Variants in C1orf21 observed in about 807,000 individuals in gnomAD.
The protein encoded by C1orf21 is uncharacterized protein C1orf21.
A neutral mutation model predicts 18.7 loss-of-function variants in C1orf21; 3 were observed. That is an observed-to-expected ratio of 0.16 (90% CI 0.07 to 0.42). The LOEUF (loss-of-function observed/expected upper bound fraction) is 0.42, where lower values mean the gene tolerates loss of function less well. C1orf21 is among the 10% of genes least tolerant of loss of function. C1orf21 has a pLI of 0.99. For missense variants in C1orf21, 104 were observed against 143.6 expected, an observed-to-expected ratio of 0.72 and a Z score of 1.41; for synonymous variants, 41 against 46.4, an observed-to-expected ratio of 0.88 and a Z score of 0.47.
At chr1:184,588,541 G>A (rs1157950962) in intron 3 of C1orf21, among the ~76,000 whole-genome samples, 3 of 152,284 alleles carry the variant, frequency 2.0e-5, no homozygotes, top group Non-Finnish European at 4.4e-5. Flanking sequence ...TACTTGTATG[G>A]TCTCAGGTAA....
At chr1:184,610,724 T>A (rs1263581064) in intron 5 of C1orf21, among the ~76,000 whole-genome samples, 2 of 151,790 alleles carry the variant, frequency 1.3e-5, no homozygotes, top group Non-Finnish European at 2.9e-5. Context: ...GGCAGGCGCC[T>A]GTAGTCCCAG....
At chr1:184,575,378 G>A (rs1384087690) in intron 3 of C1orf21, among the ~76,000 whole-genome samples, 1 of 151,972 alleles carries the variant, frequency 6.6e-6, no homozygotes, top group Non-Finnish European at 1.5e-5. Flanking sequence ...TAGTTAAAAA[G>A]CCAAGAAGAT....
At chr1:184,457,928 TGCTTGGCATCATA>T (rs1657246088) in intron 1 of C1orf21, among the ~76,000 whole-genome samples, 1 of 152,230 alleles carries the variant, frequency 6.6e-6, no homozygotes, top group African/African-American at 2.4e-5. Flanking sequence ...TCCTACTACG[TGCTTGGCATCATA>T]GCAGTTGCTT....
In C1orf21 at chr1:184,628,590, A is replaced by C. The variant is rs1211996230; in HGVS notation, c.*9034A>C. ...TTCAAATCTGGGAGATGAGGAAAGA[A>C]AACTCACTCACAAACAACATAAATG... On this transcript the variant is annotated 3_prime_UTR_variant, in exon 6 of 6. Coordinates refer to ENST00000235307, the MANE Select transcript of C1orf21 (RefSeq NM_030806.4). The C allele has an allele frequency of 6.6e-6, 1 of 152,606 alleles. No individual in the cohort carries two copies. Among genetic ancestry groups the C allele is most frequent in the Non-Finnish European group, 1.5e-5 (1 of 68,038 alleles). 9.5% of individuals were successfully genotyped at this position (152,606 alleles called of 1,614,324 possible). A position where few individuals can be genotyped will look rare whatever the true frequency, so the allele number is the denominator to read the frequency against.
chr1:184,619,057 GT>G (rs1272665510), intron 5 of C1orf21, among the ~76,000 whole-genome samples: 1 of 152,188 alleles, frequency 6.6e-6, no homozygotes, highest in Non-Finnish European at 1.5e-5. Context: ...ATTCTTGTTT[GT>G]TGTTTTTTGT....
chr1:184,619,750 A>C lies in C1orf21; in HGVS notation c.*194A>C, dbSNP rs1439611789. On this transcript the variant is annotated 3_prime_UTR_variant, in exon 6 of 6. Transcript: ENST00000235307. ...AGGAATATTGCTAAAAACAAACAAA[A>C]AAAACTGTTATCGAACTTTCTTTGT... is the stretch of plus-strand genomic sequence containing the variant. 6 of 466,578 alleles carry C rather than the reference A, an allele frequency of 1.3e-5. No individual in the cohort carries two copies. The highest frequency in any genetic ancestry group is 1.0e-4 in the African/African-American group (5 of 49,194). The allele number at this position is 466,578 out of a possible 1,614,324, so 28.9% of individuals were successfully genotyped here. A position where few individuals can be genotyped will look rare whatever the true frequency, so the allele number is the denominator to read the frequency against.
intron 2 of C1orf21, among the ~76,000 whole-genome samples, chr1:184,485,137 G>T (rs1657714607): frequency 6.6e-6 from 1 of 152,140 alleles, no homozygotes; most frequent in African/African-American, 2.4e-5. Context: ...GTAACAGAGA[G>T]AATAATGTTT....
At chr1:184,587,873 C>T (rs1013714566) in intron 3 of C1orf21, among the ~76,000 whole-genome samples, 3 of 152,086 alleles carry the variant, frequency 2.0e-5, no homozygotes, top group Admixed American at 6.6e-5. Flanking sequence ...CCTCAGCCTC[C>T]TAAAGTGCTA....
chr1:184,540,989 G>C (rs1464629949), intron 3 of C1orf21, among the ~76,000 whole-genome samples: 1 of 152,108 alleles, frequency 6.6e-6, no homozygotes, highest in Non-Finnish European at 1.5e-5. Flanking sequence ...CTTCCTGTTT[G>C]CCATGTGGAT....
At chr1:184,515,802 C>T (rs1317625229) in intron 3 of C1orf21, among the ~76,000 whole-genome samples, 3 of 152,002 alleles carry the variant, frequency 2.0e-5, no homozygotes, top group African/African-American at 7.2e-5. Flanking sequence ...TAGCTTTACA[C>T]ATATTACATT....
chr1:184,597,503 C>T (rs1162461914), intron 4 of C1orf21, among the ~76,000 whole-genome samples: 1 of 152,074 alleles, frequency 6.6e-6, no homozygotes, highest in African/African-American at 2.4e-5. Flanking sequence ...CCAGAGCCCA[C>T]CCCCAGCCCC....
At chr1:184,556,256 T>C (rs1019343250) in intron 3 of C1orf21, among the ~76,000 whole-genome samples, 1 of 152,178 alleles carries the variant, frequency 6.6e-6, no homozygotes, top group African/African-American at 2.4e-5. Flanking sequence ...GCTCCCAGTT[T>C]TAGAAAAGGA....
chr1:184,548,404 A>C (rs1274844590), intron 3 of C1orf21, among the ~76,000 whole-genome samples: 2 of 143,664 alleles, frequency 1.4e-5, no homozygotes, highest in Non-Finnish European at 3.0e-5. Flanking sequence ...TACCCATTGC[A>C]GACTCTTTTT....
At chr1:184,607,218 A>G (rs1455222881) in intron 5 of C1orf21, among the ~76,000 whole-genome samples, 2 of 152,214 alleles carry the variant, frequency 1.3e-5, no homozygotes, top group Non-Finnish European at 2.9e-5. Flanking sequence ...TTAGAGATGC[A>G]TAATCATACC....
chr1:184,450,600 T>C (rs904993923), intron 1 of C1orf21, among the ~76,000 whole-genome samples: 2 of 152,144 alleles, frequency 1.3e-5, no homozygotes, highest in Non-Finnish European at 2.9e-5. Context: ...GACGCACATA[T>C]ATACATGCAT....
At chr1:184,475,734 GGTGTGTGTGTGTGTGT>G (rs10553261) in intron 1 of C1orf21, among the ~76,000 whole-genome samples, 6 of 138,078 alleles carry the variant, frequency 4.3e-5, no homozygotes, top group Non-Finnish European at 7.9e-5. Context: ...AATGGAATAG[GGTGTGTGTGTGTGTGT>G]GTGTGTGTGT....
intron 1 of C1orf21, among the ~76,000 whole-genome samples, chr1:184,393,626 A>G (rs1049433705): frequency 1.3e-5 from 2 of 152,116 alleles, no homozygotes; most frequent in African/African-American, 4.8e-5. Context: ...TTGCTTCTTC[A>G]CTTCTCTTAG....
At chr1:184,580,661 C>T (rs556123640) in intron 3 of C1orf21, among the ~76,000 whole-genome samples, 1 of 152,230 alleles carries the variant, frequency 6.6e-6, no homozygotes, top group Non-Finnish European at 1.5e-5. Flanking sequence ...TTTCAACAAG[C>T]ATCAATGATT....
intron 1 of C1orf21, among the ~76,000 whole-genome samples, chr1:184,450,931 G>A (rs112562874): frequency 0.02 from 2,989 of 152,318 alleles, 99 homozygotes; most frequent in African/African-American, 0.067. Flanking sequence ...AGGCTGGAGT[G>A]CAGTGGCGCA....
Sources: gnomAD v4.1 joint callset for allele counts (sites outside exome capture counted in the v4.1 genomes callset) on GRCh38, gnomAD v4.1.1 for gene constraint, MANE v1.5 for transcripts, NCBI Gene and HGNC (gene_info 2026-07-23, HGNC 2026-07-21) for gene names.